Variants in MICAL2 observed in about 807,000 individuals in gnomAD.
MICAL2 encodes microtubule associated monooxygenase, calponin and LIM domain containing 2.
A neutral mutation model predicts 127.3 loss-of-function variants in MICAL2; 77 were observed. The observed-to-expected ratio is 0.60, with a 90% CI of 0.50 to 0.73. MICAL2 has a LOEUF of 0.73. Ranked by LOEUF, MICAL2 falls within the 30% of genes least tolerant of loss-of-function variation. The pLI is 0.00. For synonymous variants in MICAL2, 570 were observed against 551.1 expected, an observed-to-expected ratio of 1.03 and a Z score of -0.48; for missense variants, 1,351 against 1,434.4, an observed-to-expected ratio of 0.94 and a Z score of 0.94.
intron 2 of MICAL2, among the ~76,000 whole-genome samples, chr11:12,147,447 A>G (rs147407971): frequency 1.0e-3 from 155 of 152,358 alleles, no homozygotes; most frequent in African/African-American, 3.5e-3. Flanking sequence ...ATACCATAAT[A>G]CAGAAAGCTG....
chr11:12,237,853 A>AT (rs1859300689), intron 16 of MICAL2, among the ~76,000 whole-genome samples: 1 of 152,206 alleles, frequency 6.6e-6, no homozygotes, highest in African/African-American at 2.4e-5. Flanking sequence ...TTTCCTGGTG[A>AT]TTCGTGGACC....
At chr11:12,126,188 C>T (rs1312008155) in intron 1 of MICAL2, among the ~76,000 whole-genome samples, 1 of 152,230 alleles carries the variant, frequency 6.6e-6, no homozygotes, top group Non-Finnish European at 1.5e-5. Flanking sequence ...TTAGTGATAG[C>T]TGGTGCTCAA....
intron 2 of MICAL2, among the ~76,000 whole-genome samples, chr11:12,153,884 G>T (rs759588786): frequency 3.2e-4 from 49 of 152,228 alleles, no homozygotes; most frequent in Non-Finnish European, 5.4e-4. Context: ...GTCACATGCA[G>T]AAGTGTCTGC....
At chr11:12,173,849 A>G (rs1856550815) in intron 3 of MICAL2, among the ~76,000 whole-genome samples, 2 of 152,186 alleles carry the variant, frequency 1.3e-5, no homozygotes, top group African/African-American at 4.8e-5. Context: ...GTTTGTCCAC[A>G]TGGTAGCATG....
At chr11:12,334,489 T>G (rs931834635) in intron 32 of MICAL2, among the ~76,000 whole-genome samples, 1 of 151,976 alleles carries the variant, frequency 6.6e-6, no homozygotes, top group Non-Finnish European at 1.5e-5. Context: ...TTAGGGTACA[T>G]GTGCGCAACG....
Position 12,162,186 on chromosome 11 carries a change from C to A in MICAL2, c.31C>A (p.Gln11Lys). 1 of 1,614,198 alleles carries A rather than the reference C, an allele frequency of 6.2e-7. No individual in the cohort carries two copies. Among genetic ancestry groups the A allele is most frequent in the African/African-American group, 1.3e-5 (1 of 75,034 alleles). ...GGAAAACGAGGATGAGAAGCAGGCCCAGGCGGGGCAGGTTTTTGAGAACTT... is the reference window on the plus strand; with the variant it reads ...GGAAAACGAGGATGAGAAGCAGGCCAAGGCGGGGCAGGTTTTTGAGAACTT... MGENEDEKQA[Q>K]AGQVFENFVQ... Residue 11 changes from glutamine (Q) to lysine (K), a missense_variant, in exon 3 of 28, where the codon CAG (glutamine) becomes AAG (lysine). Gln to Lys is a moderately conservative substitution (Grantham distance 53, BLOSUM62 1). Transcript: ENST00000683283.
chr11:12,335,148 A>C (rs2134869342), intron 32 of MICAL2, among the ~76,000 whole-genome samples: 1 of 147,536 alleles, frequency 6.8e-6, no homozygotes, highest in South Asian at 2.2e-4. Flanking sequence ...TGCCGTTCTA[A>C]CTGGTGTGAG....
intron 7 of MICAL2, among the ~76,000 whole-genome samples, chr11:12,214,614 T>G (rs1292406645): frequency 6.6e-6 from 1 of 152,152 alleles, no homozygotes; most frequent in Admixed American, 6.5e-5. Flanking sequence ...CTAAGAATGG[T>G]TTTATATATA....
At chr11:12,111,023 A>G (rs1007351373) in intron 1 of MICAL2, among the ~76,000 whole-genome samples, 2 of 152,296 alleles carry the variant, frequency 1.3e-5, no homozygotes, top group South Asian at 4.1e-4. Context: ...CTGCAGTTCC[A>G]AGCCTAGAAA....
intron 30 of MICAL2, among the ~76,000 whole-genome samples, chr11:12,320,669 T>G (rs1487104567): frequency 1.3e-5 from 2 of 151,992 alleles, no homozygotes; most frequent in Non-Finnish European, 2.9e-5. Flanking sequence ...GAGAACCAAA[T>G]TTATTTACTT....
chr11:12,256,843 G>A lies in MICAL2; in HGVS notation c.3014G>A (p.Cys1005Tyr). The A allele has an allele frequency of 6.8e-6, 11 of 1,614,152 alleles. No individual in the cohort carries two copies. Among genetic ancestry groups the A allele is most frequent in the Non-Finnish European group, 9.3e-6 (11 of 1,179,984 alleles). ...NLGGSDTCYFCKKRVYVMERL... is the reference protein window; with the variant it reads ...NLGGSDTCYFYKKRVYVMERL... ...GGAGGCAGCGACACGTGTTACTTCTGTAAGAAACGTGTGTACGTGATGGAA... is the reference window on the plus strand; with the variant it reads ...GGAGGCAGCGACACGTGTTACTTCTATAAGAAACGTGTGTACGTGATGGAA... Residue 1005 changes from cysteine (C) to tyrosine (Y), a missense_variant, in exon 24 of 28, where the codon TGT becomes TAT. Cys to Tyr is a radical substitution (Grantham distance 194). This residue lies in a region of MICAL2 where 752 missense variants were observed against 719.4 expected (regional missense o/e 1.05). Coordinates refer to ENST00000683283, the MANE Select transcript of MICAL2 (RefSeq NM_001282663.2).
At chr11:12,355,626 A>C (rs1355011259) in intron 34 of MICAL2, among the ~76,000 whole-genome samples, 13 of 152,202 alleles carry the variant, frequency 8.5e-5, no homozygotes, top group Non-Finnish European at 8.8e-5. Flanking sequence ...GTATAGGGCA[A>C]GTACTGAGCA....
chr11:12,335,420 G>GT (rs1938733383), intron 32 of MICAL2, among the ~76,000 whole-genome samples: 5 of 151,998 alleles, frequency 3.3e-5, no homozygotes, highest in Admixed American at 3.3e-4. Flanking sequence ...TCACTCTGTT[G>GT]GTAGTTTCTT....
At chr11:12,154,319 A>G (rs1028058633) in intron 2 of MICAL2, among the ~76,000 whole-genome samples, 1 of 152,134 alleles carries the variant, frequency 6.6e-6, no homozygotes, top group African/African-American at 2.4e-5. Context: ...GCTGAGTTCC[A>G]CCAAGACCTG....
intron 33 of MICAL2, among the ~76,000 whole-genome samples, chr11:12,353,237 C>T (rs55845818): frequency 0.026 from 3,954 of 152,258 alleles, 154 homozygotes; most frequent in African/African-American, 0.088. Flanking sequence ...GAGGAGGCCC[C>T]ACCAGGTCAA....
At chr11:12,358,464 G>A in exon 35 of MICAL2, 2 of 1,614,158 alleles carry the variant, frequency 1.2e-6, no homozygotes, top group Non-Finnish European at 1.7e-6. Context: ...GAGGCTGTCA[G>A]CTGAGCAGGA....
Position 12,223,916 on chromosome 11 carries a change from A to T in MICAL2, c.1540+415A>T, listed in dbSNP as rs141412931. On this transcript the variant is annotated intron_variant, in intron 12 of 27. Coordinates refer to ENST00000683283, the MANE Select transcript of MICAL2 (RefSeq NM_001282663.2). ...TGGACACAGGACCAGTGCTCAACAC[A>T]GGGAGATGGGATGGTTAAATGAGGA... 5.5e-3 allele frequency among the ~76,000 whole-genome samples: 836 copies of T among 152,272 alleles called. 6 individuals are homozygous for T. Among genetic ancestry groups the T allele is most frequent in the African/African-American group, 0.019 (800 of 41,538 alleles).
At chr11:12,207,528 T>A (rs964396878) in intron 4 of MICAL2, among the ~76,000 whole-genome samples, 1 of 152,206 alleles carries the variant, frequency 6.6e-6, no homozygotes, top group African/African-American at 2.4e-5. Flanking sequence ...GGGGAAAATT[T>A]CCTACCCACT....
intron 2 of MICAL2, among the ~76,000 whole-genome samples, chr11:12,285,126 T>A (rs1226972156): frequency 1.3e-5 from 2 of 152,082 alleles, no homozygotes; most frequent in Non-Finnish European, 2.9e-5. Flanking sequence ...ATTGGTCAGG[T>A]CAGAGATGAA....
Sources: gnomAD v4.1 joint callset for allele counts (sites outside exome capture counted in the v4.1 genomes callset) on GRCh38, gnomAD v4.1.1 for gene constraint, gnomAD v4.1.1 regional missense constraint, MANE v1.5 for transcripts, NCBI Gene and HGNC (gene_info 2026-07-23, HGNC 2026-07-21) for gene names.